Variants in FAM20B observed in about 807,000 individuals in gnomAD.
The protein encoded by FAM20B is FAM20B glycosaminoglycan xylosylkinase, also known as glycosaminoglycan xylosylkinase.
A neutral mutation model predicts 43.8 loss-of-function variants in FAM20B; 23 were observed. That is an observed-to-expected ratio of 0.53 (90% CI 0.38 to 0.74). The LOEUF is 0.74. Ranked by LOEUF, FAM20B falls within the 30% of genes least tolerant of loss-of-function variation. FAM20B has a pLI of 0.00. For missense variants in FAM20B, 440 were observed against 510.5 expected, an observed-to-expected ratio of 0.86 and a Z score of 1.33; for synonymous variants, 178 against 192.4, an observed-to-expected ratio of 0.93 and a Z score of 0.62.
the FAM20B span, among the ~76,000 whole-genome samples, chr1:179,019,057 A>T: frequency 6.6e-6 from 1 of 152,142 alleles, no homozygotes; most frequent in African/African-American, 2.4e-5. Context: ...TTCTGTTTAT[A>T]CCCTGAACAG....
At chr1:179,067,425 C>T (rs1464584931) in intron 7 of FAM20B, among the ~76,000 whole-genome samples, 3 of 152,020 alleles carry the variant, frequency 2.0e-5, no homozygotes, top group African/African-American at 4.8e-5. Flanking sequence ...GCCAACATGG[C>T]GAAACCCCGT....
intron 1 of FAM20B, chr1:179,035,523 A>T: frequency 1.5e-6 from 1 of 667,148 alleles, no homozygotes; most frequent in South Asian, 1.4e-5. Flanking sequence ...GGCCTCCACT[A>T]TATTTCGAAT....
At chr1:179,039,207 G>C (rs1432331593) in intron 1 of FAM20B, among the ~76,000 whole-genome samples, 2 of 152,200 alleles carry the variant, frequency 1.3e-5, no homozygotes, top group African/African-American at 2.4e-5. Context: ...CTGTCTGCAG[G>C]CATAGAGCAG....
Position 179,072,353 on chromosome 1 carries a change from C to G in FAM20B, c.*209C>G. ...GCATGGAGACATTCCTGCTGAATCGCCTTCTCACCTCCTCGGCAATTGCTC... is the reference window on the plus strand; with the variant it reads ...GCATGGAGACATTCCTGCTGAATCGGCTTCTCACCTCCTCGGCAATTGCTC... On this transcript the variant is annotated 3_prime_UTR_variant, in exon 8 of 8. Coordinates refer to ENST00000263733, the MANE Select transcript of FAM20B (RefSeq NM_014864.4). The G allele has an allele frequency of 1.8e-6, 1 of 564,258 alleles. No homozygotes were observed. Among genetic ancestry groups the G allele is most frequent in the Non-Finnish European group, 3.2e-6 (1 of 315,598 alleles). 35.0% of individuals were successfully genotyped at this position (564,258 alleles called of 1,614,324 possible).
chr1:179,066,734 T>C (rs1651703240), intron 6 of FAM20B, 66 bp from the exon 7 acceptor site: 1 of 1,076,216 alleles, frequency 9.3e-7, no homozygotes, highest in Middle Eastern at 2.0e-4. Flanking sequence ...GAATTTGCTA[T>C]TGCTTTGATG....
chr1:179,019,467 CTT>C, the FAM20B span, among the ~76,000 whole-genome samples: 1 of 141,938 alleles, frequency 7.0e-6, no homozygotes, highest in Non-Finnish European at 1.5e-5. Flanking sequence ...TTGTTTGTTT[CTT>C]TTTTTTTTTT....
chr1:179,033,773 A>G (rs1007898306), intron 1 of FAM20B, among the ~76,000 whole-genome samples: 1 of 151,844 alleles, frequency 6.6e-6, no homozygotes, highest in South Asian at 2.1e-4. Context: ...GCTCACTGCA[A>G]CCTCCGCCTC....
At position 179,040,310 on chromosome 1, in the gene FAM20B, C is replaced by T. The variant is rs530882413; in HGVS notation, c.-133-3405C>T. ...CTCCTCTCTTCCCAGCAGGGGCAGCCGGGCAGAGGCGCCCCTCACCTCCTG... is the reference window on the plus strand; with the variant it reads ...CTCCTCTCTTCCCAGCAGGGGCAGCTGGGCAGAGGCGCCCCTCACCTCCTG... On this transcript the variant is annotated intron_variant, in intron 1 of 7. Transcript: ENST00000263733. 3.1e-3 allele frequency among the ~76,000 whole-genome samples: 474 copies of T among 152,002 alleles called. 4 individuals are homozygous for T. The highest frequency in any genetic ancestry group is 6.3e-3 in the Admixed American group (96 of 15,298).
chr1:179,025,345 T>C (rs1649708241), upstream of FAM20B, among the ~76,000 whole-genome samples: 1 of 152,224 alleles, frequency 6.6e-6, no homozygotes, highest in South Asian at 2.1e-4. Context: ...GACGCTCCGC[T>C]CTGGTCCGAA....
intron 6 of FAM20B, 145 bp from the exon 7 acceptor site, chr1:179,066,655 G>A (rs999320060): frequency 1.6e-6 from 1 of 641,964 alleles, no homozygotes; most frequent in African/African-American, 1.8e-5. Flanking sequence ...TGCCCCGCTT[G>A]TTTTCAATTT....
intron 4 of FAM20B, among the ~76,000 whole-genome samples, chr1:179,060,162 C>G (rs1178240819): frequency 6.6e-6 from 1 of 152,014 alleles, no homozygotes; most frequent in Non-Finnish European, 1.5e-5. Flanking sequence ...ACTTCTGCAT[C>G]TTACTTTTTT....
intron 3 of FAM20B, among the ~76,000 whole-genome samples, chr1:179,053,736 A>G (rs1271556030): frequency 1.3e-5 from 2 of 152,214 alleles, no homozygotes; most frequent in African/African-American, 4.8e-5. Flanking sequence ...TTCATGATAC[A>G]ATGATGAGTA....
At chr1:179,050,102 C>T (rs1650941596) in intron 2 of FAM20B, among the ~76,000 whole-genome samples, 177 bp from the exon 3 acceptor site, 1 of 152,180 alleles carries the variant, frequency 6.6e-6, no homozygotes, top group African/African-American at 2.4e-5. Flanking sequence ...TCCTTCTCTA[C>T]CTCATCTTCA....
Position 179,072,159 on chromosome 1 carries a change from T to C in FAM20B, c.*15T>C, listed in dbSNP as rs374550278. 3.9e-6 allele frequency: 6 copies of C among 1,555,600 alleles called. No homozygotes were observed. In the African/African-American group the frequency reaches 6.8e-5, roughly 18 times the overall value. On this transcript the variant is annotated 3_prime_UTR_variant, in exon 8 of 8. Coordinates refer to ENST00000263733, the MANE Select transcript of FAM20B (RefSeq NM_014864.4). ...CACACTTGTAATTCTCGACACAAAA[T>C]AAGTGAAACTTCTTTTTACAAAGAT...
intron 1 of FAM20B, among the ~76,000 whole-genome samples, chr1:179,028,908 AAG>A (rs1649898733): frequency 6.6e-6 from 1 of 152,252 alleles, no homozygotes; most frequent in African/African-American, 2.4e-5. Context: ...AAGAAAAAAA[AAG>A]CGTAGAAAAT....
intron 3 of FAM20B, among the ~76,000 whole-genome samples, chr1:179,052,569 T>C (rs1246174484): frequency 6.6e-6 from 1 of 152,216 alleles, no homozygotes; most frequent in African/African-American, 2.4e-5. Context: ...CTAAGACATT[T>C]CTAGGAACTA....
Position 179,074,651 on chromosome 1 carries a change from G to T in FAM20B, c.*2507G>T, listed in dbSNP as rs191552974. 1 of 152,114 alleles carries T rather than the reference G, an allele frequency of 6.6e-6. No homozygotes were observed. The highest frequency in any genetic ancestry group is 1.5e-5 in the Non-Finnish European group (1 of 68,022). The allele number at this position is 152,114 out of a possible 1,614,324, so 9.4% of individuals were successfully genotyped here. ...TTTATTCCCATCTGTTTTCAAACTC[G>T]TGATCTTAAAAGGCATTCTGATGAT... On this transcript the variant is annotated 3_prime_UTR_variant, in exon 8 of 8. Transcript: ENST00000263733.
chr1:179,031,502 T>C lies in FAM20B; in HGVS notation c.-134+5404T>C, dbSNP rs1266777811. Among the ~76,000 whole-genome samples the C allele has an allele frequency of 4.6e-5, 7 of 152,320 alleles. No individual in the cohort carries two copies. The East Asian group carries it at 1.3e-3, about 29-fold the overall frequency. On this transcript the variant is annotated intron_variant, in intron 1 of 7. Transcript: ENST00000263733. ...TTTTTTTTCAGTTCACTTATTGAAA[T>C]TATTCAGTTATTGCCTATTTCATTT...
intron 1 of FAM20B, among the ~76,000 whole-genome samples, chr1:179,039,190 T>G (rs72707290): frequency 0.021 from 3,274 of 152,318 alleles, 63 homozygotes; most frequent in Middle Eastern, 0.048. Flanking sequence ...CTTACCTCAG[T>G]GCTGTGCTGT....
Sources: allele counts gnomAD v4.1 joint callset (sites outside exome capture counted in the v4.1 genomes callset), GRCh38; gene constraint gnomAD v4.1.1; transcripts MANE v1.5; gene names NCBI Gene and HGNC (gene_info 2026-07-23, HGNC 2026-07-21).